MBNL3: variants seen among roughly 807,000 people sequenced by gnomAD.
MBNL3 encodes muscleblind-like protein 3.
A neutral mutation model predicts 24.5 loss-of-function variants in MBNL3; 6 were observed. That is an observed-to-expected ratio of 0.25 (90% CI 0.13 to 0.48). The LOEUF (loss-of-function observed/expected upper bound fraction) is 0.48, where lower values mean the gene tolerates loss of function less well. MBNL3 is among the 20% of genes least tolerant of loss of function. The pLI, the probability that MBNL3 is intolerant of heterozygous loss-of-function variation, is 0.99. For missense variants in MBNL3, 230 were observed against 293.5 expected, an observed-to-expected ratio of 0.78 and a Z score of 1.58; for synonymous variants, 100 against 101.7, an observed-to-expected ratio of 0.98 and a Z score of 0.10.
intron 1 of MBNL3, among the ~76,000 whole-genome samples, chrX:132,471,632 G>C (rs370348737): frequency 8.8e-6 from 1 of 113,300 alleles, no homozygotes. Flanking sequence ...TGAGGCTACA[G>C]TGAGCTATGA....
chrX:132,426,524 A>G (rs1261028310), intron 2 of MBNL3, among the ~76,000 whole-genome samples: 1 of 111,112 alleles, frequency 9.0e-6, no homozygotes, highest in East Asian at 2.8e-4. Context: ...GTCATTTCTC[A>G]TGCTTCAGCC....
At chrX:132,421,650 T>C (rs1405819248) in intron 2 of MBNL3, among the ~76,000 whole-genome samples, 3 of 112,103 alleles carry the variant, frequency 2.7e-5, no homozygotes, top group African/African-American at 9.7e-5. Flanking sequence ...AGAGACACTC[T>C]TTTACCATCA....
In MBNL3 at chrX:132,449,887, G is replaced by T. The variant is rs185984474; in HGVS notation, c.-703-9573C>A. Among the ~76,000 whole-genome samples, 115 of 106,969 alleles carry T rather than the reference G, an allele frequency of 1.1e-3. 1 individual carries two copies. The East Asian group carries it at 0.024, about 22-fold the overall frequency. The allele number at this position is 106,969 out of a possible 115,157, so 92.9% of individuals were successfully genotyped here. Reference sequence around the variant, plus strand: ...TCTCAGCATTTGCTTGTCTGTAAAGGATTTTATTTCTCCTTCATTTATGAA... The same window carrying T: ...TCTCAGCATTTGCTTGTCTGTAAAGTATTTTATTTCTCCTTCATTTATGAA... On this transcript the variant is annotated intron_variant, in intron 1 of 8. Coordinates refer to ENST00000370853, the MANE Select transcript of MBNL3 (RefSeq NM_001386889.1).
At chrX:132,385,013 A>T (rs1461710640) in intron 6 of MBNL3, among the ~76,000 whole-genome samples, 1 of 111,526 alleles carries the variant, frequency 9.0e-6, no homozygotes, top group African/African-American at 3.3e-5. Flanking sequence ...GAGAATTTTA[A>T]TTTATTACAC....
chrX:132,380,552 C>T (rs1400910615), intron 8 of MBNL3, among the ~76,000 whole-genome samples: 1 of 111,345 alleles, frequency 9.0e-6, no homozygotes, highest in Non-Finnish European at 1.9e-5. Flanking sequence ...GTGTCCTCAG[C>T]AGGAAAGAAG....
Position 132,379,353 on chromosome X carries a change from T to C in MBNL3, c.*313A>G. 4.4e-6 allele frequency: 1 copy of C among 226,240 alleles called. No individual in the cohort carries two copies. The allele number at this position is 226,240 out of a possible 1,213,427, so 18.6% of individuals were successfully genotyped here. A position where few individuals can be genotyped will look rare whatever the true frequency, so the allele number is the denominator to read the frequency against. On this transcript the variant is annotated 3_prime_UTR_variant, in exon 9 of 9. Transcript: ENST00000370853. ...CCAAAAGCTCACTGTGGAAATACAC[T>C]TAGCATGGTTATTAGAAAATCACAA...
upstream of MBNL3, among the ~76,000 whole-genome samples, chrX:132,489,304 C>G (rs1342017430): frequency 8.9e-6 from 1 of 112,361 alleles, no homozygotes. Context: ...GAGGCCCCTT[C>G]CCGGGGCCGG....
At chrX:132,401,327 T>G (rs1175424391) in intron 3 of MBNL3, among the ~76,000 whole-genome samples, 1 of 111,370 alleles carries the variant, frequency 9.0e-6, no homozygotes, top group African/African-American at 3.3e-5. Context: ...TTACAAAAAT[T>G]AAAAAGTAGG....
In MBNL3 at chrX:132,400,852, AG is replaced by A. The variant is rs776773341; in HGVS notation, c.342+5375del. 2.7e-5 allele frequency among the ~76,000 whole-genome samples: 3 copies of A among 112,298 alleles called. No individual in the cohort carries two copies. The East Asian group carries it at 8.4e-4, about 31-fold the overall frequency. ...ATGATTTGGTCAACCTCAATGCGGA[AG>A]TTCACATGATCATGACTGTTGTAAT... On this transcript the variant is annotated intron_variant, in intron 3 of 8. Coordinates refer to ENST00000370853, the MANE Select transcript of MBNL3 (RefSeq NM_001386889.1).
intron 1 of MBNL3, among the ~76,000 whole-genome samples, chrX:132,463,447 G>C (rs1040254734): frequency 8.9e-6 from 1 of 112,289 alleles, no homozygotes; most frequent in Non-Finnish European, 1.9e-5. Flanking sequence ...CTGGGTGACA[G>C]AGCGAAACTC....
rs1331319376 is a variant in MBNL3 at position 132,488,921 on chromosome X, G to A, written c.-774C>T. 8.8e-6 allele frequency: 1 copy of A among 113,858 alleles called. No individual in the cohort carries two copies. The allele number at this position is 113,858 out of a possible 1,213,427, so 9.4% of individuals were successfully genotyped here. A position where few individuals can be genotyped will look rare whatever the true frequency, so the allele number is the denominator to read the frequency against. On this transcript the variant is annotated 5_prime_UTR_variant, in exon 1 of 9. Coordinates refer to ENST00000370853, the MANE Select transcript of MBNL3 (RefSeq NM_001386889.1). ...AGCGGCAGCAGCAGGGGCAGCGGCAGCGACAGCGGCACATGCCATCTGTTA... is the reference window on the plus strand; with the variant it reads ...AGCGGCAGCAGCAGGGGCAGCGGCAACGACAGCGGCACATGCCATCTGTTA...
intron 1 of MBNL3, among the ~76,000 whole-genome samples, chrX:132,443,271 C>T (rs1300848759): frequency 9.0e-6 from 1 of 111,699 alleles, no homozygotes; most frequent in African/African-American, 3.2e-5. Context: ...ATTACTTATT[C>T]GAAGTTACAA....
intron 2 of MBNL3, among the ~76,000 whole-genome samples, chrX:132,414,998 C>T (rs1001501733): frequency 8.9e-6 from 1 of 111,855 alleles, no homozygotes; most frequent in Non-Finnish European, 1.9e-5. Flanking sequence ...CTGTAAGTTT[C>T]GTCAGATCTT....
At chrX:132,485,785 G>C (rs1022285885) in intron 1 of MBNL3, among the ~76,000 whole-genome samples, 1 of 112,206 alleles carries the variant, frequency 8.9e-6, no homozygotes, top group Non-Finnish European at 1.9e-5. Context: ...GCTGAGGCTC[G>C]GGTTTCTTTC....
chrX:132,432,283 G>A (rs991128286), intron 2 of MBNL3: 1 of 111,392 alleles, frequency 9.0e-6, no homozygotes, highest in African/African-American at 3.3e-5. Context: ...CTCTACTATC[G>A]TTGAAATTTC....
At chrX:132,432,763 T>G (rs901818389) in intron 2 of MBNL3, 2 of 110,975 alleles carry the variant, frequency 1.8e-5, no homozygotes, top group Non-Finnish European at 3.8e-5. Flanking sequence ...TCTAAATTTT[T>G]GAATTATGAA....
chrX:132,385,710 T>C (rs1935873363), intron 6 of MBNL3, among the ~76,000 whole-genome samples: 1 of 111,466 alleles, frequency 9.0e-6, no homozygotes, highest in Admixed American at 9.6e-5. Context: ...CTGCTGTGGC[T>C]AGTAACTAAA....
At chrX:132,419,704 G>A (rs2179978) in intron 2 of MBNL3, among the ~76,000 whole-genome samples, 10,514 of 111,088 alleles carry the variant, frequency 0.095, 531 homozygotes, top group Non-Finnish European at 0.15. Context: ...GAAGATCTGC[G>A]GCCCTAGGCA....
intron 1 of MBNL3, among the ~76,000 whole-genome samples, chrX:132,468,212 G>T (rs1946990635): frequency 8.9e-6 from 1 of 112,498 alleles, no homozygotes; most frequent in East Asian, 2.8e-4. Flanking sequence ...TAAAAGCACT[G>T]ATCCTTTGGC....
Sources: gnomAD v4.1 joint callset for allele counts (sites outside exome capture counted in the v4.1 genomes callset) on GRCh38, gnomAD v4.1.1 for gene constraint, MANE v1.5 for transcripts, NCBI Gene and HGNC (gene_info 2026-07-23, HGNC 2026-07-21) for gene names.